Variants in DMBT1 observed in about 807,000 individuals in gnomAD.
The protein encoded by DMBT1 is scavenger receptor cysteine-rich domain-containing protein DMBT1.
DMBT1 carries 198 observed loss-of-function variants against 252.9 expected under a neutral mutation model. That is an observed-to-expected ratio of 0.78 (90% CI 0.70 to 0.88). The LOEUF (loss-of-function observed/expected upper bound fraction) is 0.88. Among genes scored for constraint, DMBT1 ranks in the 40% least tolerant of loss-of-function variants. DMBT1 has a pLI of 0.00. For missense variants in DMBT1, 2,432 were observed against 2,404.7 expected (o/e 1.01, Z -0.24); for synonymous variants, 990 against 942.7 (o/e 1.05, Z -0.92).
chr10:122,593,778 T>G (rs1184572939), intron 21 of DMBT1, among the ~76,000 whole-genome samples, 180 bp downstream of exon 21: 2 of 147,710 alleles, frequency 1.4e-5, no homozygotes, highest in African/African-American at 4.9e-5. Context: ...CACACAGGAT[T>G]GAGGAGGCCT....
In DMBT1 at chr10:122,631,104, G is replaced by C; in HGVS notation, c.6169G>C (p.Gly2057Arg). 6.2e-7 allele frequency: 1 copy of C among 1,614,030 alleles called. No homozygotes were observed. Among genetic ancestry groups the C allele is most frequent in the African/African-American group, 1.3e-5 (1 of 75,054 alleles). ...QEAEVVCRQLGCGRAVSALGN... is the reference protein window; with the variant it reads ...QEAEVVCRQLRCGRAVSALGN... ...AGCTGAGGTGGTCTGCAGACAGCTA[G>C]GGTGTGGACGTGCAGTTTCAGCCCT... Residue 2057 changes from glycine (G) to arginine (R), a missense_variant, in exon 49 of 56, where the codon GGG (glycine) becomes CGG (arginine). Physicochemically the swap from Gly to Arg is moderately radical, Grantham distance 125. Around this residue, in one of 3 missense-constraint regions of DMBT1, gnomAD observed 1,162 missense variants for 1,169.0 expected, o/e 0.99. Coordinates refer to ENST00000338354, the MANE Select transcript of DMBT1 (RefSeq NM_001377530.1).
intron 5 of DMBT1, among the ~76,000 whole-genome samples, chr10:122,573,147 G>A (rs534132666): frequency 1.3e-5 from 2 of 152,342 alleles, no homozygotes; most frequent in South Asian, 2.1e-4. Flanking sequence ...GTCATTTGGA[G>A]TGTGGGCTGG....
At chr10:122,563,130 A>G (rs1025907827) in intron 1 of DMBT1, among the ~76,000 whole-genome samples, 1 of 152,090 alleles carries the variant, frequency 6.6e-6, no homozygotes, top group Non-Finnish European at 1.5e-5. Context: ...CTTCATGCAA[A>G]CTCTTGAGAA....
chr10:122,618,016 G>C lies in DMBT1; in HGVS notation c.4892-1G>C, dbSNP rs747561785. On this transcript the variant is annotated splice_acceptor_variant, in intron 40 of 55. Coordinates refer to ENST00000338354, the MANE Select transcript of DMBT1 (RefSeq NM_001377530.1). LOFTEE classifies it high-confidence loss of function. ...TGAAGGGTTCTTGTGTTCCCCTGTAGGATCTGAATCCACTTTGGCCCTGAG... is the reference window on the plus strand; with the variant it reads ...TGAAGGGTTCTTGTGTTCCCCTGTACGATCTGAATCCACTTTGGCCCTGAG... 1 of 1,612,614 alleles carries C rather than the reference G, an allele frequency of 6.2e-7. No homozygotes were observed. The highest frequency in any genetic ancestry group is 8.5e-7 in the Non-Finnish European group (1 of 1,179,746).
chr10:122,635,777 A>G (rs1412998621), intron 52 of DMBT1, among the ~76,000 whole-genome samples: 1 of 152,126 alleles, frequency 6.6e-6, no homozygotes, highest in Non-Finnish European at 1.5e-5. Context: ...GCTGGTCTCG[A>G]ACTTATGACC....
intron 1 of DMBT1, among the ~76,000 whole-genome samples, chr10:122,565,166 T>A (rs138249031): frequency 6.6e-6 from 1 of 152,230 alleles, no homozygotes; most frequent in Non-Finnish European, 1.5e-5. Context: ...AATTGATGAA[T>A]AATGATGCAA....
At chr10:122,598,655 A>C in intron 25 of DMBT1, 119 bp from the exon 26 acceptor site, 2 of 1,560,868 alleles carry the variant, frequency 1.3e-6, no homozygotes, top group Admixed American at 1.8e-5. Context: ...ATTCATATTC[A>C]AAGGTGACTG....
intron 51 of DMBT1, 113 bp from the exon 52 acceptor site, chr10:122,633,078 T>A: frequency 6.7e-7 from 1 of 1,499,288 alleles, no homozygotes; most frequent in East Asian, 2.5e-5. Flanking sequence ...TTGGTTTCTG[T>A]CTTGGGAATT....
chr10:122,584,561 T>C (rs947836014), intron 14 of DMBT1, among the ~76,000 whole-genome samples: 2 of 147,980 alleles, frequency 1.4e-5, no homozygotes, highest in Admixed American at 6.7e-5. Flanking sequence ...TATCTCAGCT[T>C]TCATGAAGCA....
chr10:122,571,638 A>C (rs2097664923), intron 4 of DMBT1, among the ~76,000 whole-genome samples: 1 of 152,184 alleles, frequency 6.6e-6, no homozygotes, highest in Admixed American at 6.5e-5. Flanking sequence ...AGACACCAAG[A>C]GATTTCTTTA....
intron 10 of DMBT1, among the ~76,000 whole-genome samples, chr10:122,580,469 G>C (rs2097758540): frequency 6.6e-6 from 1 of 152,214 alleles, no homozygotes; most frequent in South Asian, 2.1e-4. Context: ...CTGGTGAGGG[G>C]AGGGCAGTCC....
intron 55 of DMBT1, among the ~76,000 whole-genome samples, chr10:122,642,796 C>T (rs1476209735): frequency 2.0e-5 from 3 of 152,170 alleles, no homozygotes; most frequent in Non-Finnish European, 2.9e-5. Context: ...TTCCCTGACT[C>T]ATCTGGTTTA....
Position 122,598,066 on chromosome 10 carries a change from GT to G in DMBT1, c.2956+60del. On this transcript the variant is annotated intron_variant, in intron 25 of 55. Transcript: ENST00000338354. ...GCTCACTCTCTACCTCTGGACAAAT[GT>G]TTTTTCTGAAAATGATAGGATGAGG... 3 of 1,611,538 alleles carry G rather than the reference GT, an allele frequency of 1.9e-6. No individual in the cohort carries two copies. In the East Asian group the frequency reaches 6.7e-5, roughly 36 times the overall value.
intron 5 of DMBT1, among the ~76,000 whole-genome samples, chr10:122,572,890 G>A (rs2097677811): frequency 1.3e-5 from 2 of 152,158 alleles, no homozygotes; most frequent in Non-Finnish European, 1.5e-5. Context: ...GGGAACCCAG[G>A]CATTCTCTTT....
At chr10:122,588,834 TGCCTGCCCAGGTGACTTTG>T (rs2097820237) in intron 16 of DMBT1, 91 bp from the exon 17 acceptor site, 2 of 1,536,638 alleles carry the variant, frequency 1.3e-6, no homozygotes, top group Admixed American at 1.7e-5. Context: ...TAATCGTGAC[TGCCTGCCCAGGTGACTTTG>T]GCCATTAGGA....
chr10:122,573,894 A>C, intron 6 of DMBT1, 132 bp downstream of exon 6: 1 of 1,134,462 alleles, frequency 8.8e-7, no homozygotes, highest in South Asian at 1.3e-5. Flanking sequence ...CCTTCCACAA[A>C]AGGCCTCAGG....
chr10:122,587,939 T>C (rs2097804840), intron 16 of DMBT1, among the ~76,000 whole-genome samples: 1 of 148,360 alleles, frequency 6.7e-6, no homozygotes, highest in African/African-American at 2.4e-5. Flanking sequence ...TGGACTGGTC[T>C]CCAGCGAGGC....
chr10:122,566,873 A>G (rs1381795426), intron 2 of DMBT1, among the ~76,000 whole-genome samples: 2 of 152,224 alleles, frequency 1.3e-5, no homozygotes, highest in African/African-American at 4.8e-5. Flanking sequence ...ACCAGGGCAC[A>G]GTTAGCTAAT....
rs1434243787 is a variant in DMBT1 at position 122,580,041 on chromosome 10, T to C, written c.1003+140T>C. 10 of 1,479,442 alleles carry C rather than the reference T, an allele frequency of 6.8e-6. No individual in the cohort carries two copies. In the Admixed American group the frequency reaches 2.3e-4, roughly 34 times the overall value. The allele number at this position is 1,479,442 out of a possible 1,614,324, so 91.6% of individuals were successfully genotyped here. A position where few individuals can be genotyped will look rare whatever the true frequency, so the allele number is the denominator to read the frequency against. On this transcript the variant is annotated intron_variant, in intron 10 of 55. Coordinates refer to ENST00000338354, the MANE Select transcript of DMBT1 (RefSeq NM_001377530.1). ...AGACTTGTCAGCTCTCTGCTAAGAATCCATATGTACTCACTGCCTAGTGTT... is the reference window on the plus strand; with the variant it reads ...AGACTTGTCAGCTCTCTGCTAAGAACCCATATGTACTCACTGCCTAGTGTT...
Sources: gnomAD v4.1 joint callset for allele counts (sites outside exome capture counted in the v4.1 genomes callset) on GRCh38, gnomAD v4.1.1 for gene constraint, gnomAD v4.1.1 regional missense constraint, MANE v1.5 for transcripts, NCBI Gene and HGNC (gene_info 2026-07-23, HGNC 2026-07-21) for gene names.